Variants in SLC16A12 observed in about 807,000 individuals in gnomAD.
SLC16A12 encodes the protein solute carrier family 16 member 12, also known as monocarboxylate transporter 12.
Under a neutral mutation model 42.4 loss-of-function variants are expected in SLC16A12, and 17 were observed. The ratio of observed to expected loss-of-function variants is 0.40; its 90% CI spans 0.27 to 0.60. The LOEUF (loss-of-function observed/expected upper bound fraction) is 0.60. Ranked by LOEUF, SLC16A12 falls within the 20% of genes least tolerant of loss-of-function variation. SLC16A12 has a pLI of 0.42. For synonymous variants in SLC16A12, 224 were observed against 229.4 expected (o/e 0.98, Z 0.21); for missense variants, 544 against 623.0 (o/e 0.87, Z 1.35).
intron 2 of SLC16A12, among the ~76,000 whole-genome samples, chr10:89,514,540 C>T (rs1843215565): frequency 1.3e-5 from 2 of 152,150 alleles, no homozygotes; most frequent in Admixed American, 6.5e-5. Context: ...GCTTACATGG[C>T]CCTTCTCAGA....
At chr10:89,537,626 G>A (rs1019674662), upstream of SLC16A12, among the ~76,000 whole-genome samples, 3 of 152,198 alleles carry the variant, frequency 2.0e-5, no homozygotes, top group Admixed American at 6.5e-5. Context: ...CCTCTCAGCC[G>A]TGAAGGTCTT....
intron 2 of SLC16A12, among the ~76,000 whole-genome samples, chr10:89,498,957 A>G (rs1408270621): frequency 1.3e-5 from 2 of 152,202 alleles, no homozygotes; most frequent in Admixed American, 1.3e-4. Context: ...GGAACACCCC[A>G]TGGGGCAAAA....
At chr10:89,490,594 A>G (rs1159992311) in intron 2 of SLC16A12, among the ~76,000 whole-genome samples, 1 of 152,200 alleles carries the variant, frequency 6.6e-6, no homozygotes, top group Non-Finnish European at 1.5e-5. Flanking sequence ...GAAGAGAAGC[A>G]TAAGGCAAGG....
intron 3 of SLC16A12, among the ~76,000 whole-genome samples, chr10:89,452,050 A>C (rs565464602): frequency 6.6e-6 from 1 of 152,340 alleles, no homozygotes; most frequent in South Asian, 2.1e-4. Context: ...ACAAAGGACC[A>C]AGGATTTCTA....
At chr10:89,547,016 C>T (rs1007982600) in intron 2 of SLC16A12, among the ~76,000 whole-genome samples, 1 of 152,168 alleles carries the variant, frequency 6.6e-6, no homozygotes. Flanking sequence ...GGGAACAACA[C>T]ACACCAGAGC....
intron 2 of SLC16A12, among the ~76,000 whole-genome samples, chr10:89,494,834 T>C (rs1043626311): frequency 3.9e-5 from 6 of 152,134 alleles, no homozygotes; most frequent in Admixed American, 2.0e-4. Context: ...GATGGAAAGT[T>C]TGTAGAAGTT....
chr10:89,521,411 C>T (rs1187661378), intron 2 of SLC16A12, among the ~76,000 whole-genome samples: 1 of 152,206 alleles, frequency 6.6e-6, no homozygotes, highest in Non-Finnish European at 1.5e-5. Context: ...AAGCTTACAT[C>T]AGATCTAACT....
chr10:89,496,638 TATACA>T (rs1842925668), intron 2 of SLC16A12, among the ~76,000 whole-genome samples: 1 of 152,186 alleles, frequency 6.6e-6, no homozygotes, highest in Non-Finnish European at 1.5e-5. Context: ...TCAGGTGTAT[TATACA>T]ACTGCATATG....
intron 2 of SLC16A12, among the ~76,000 whole-genome samples, chr10:89,512,176 A>T (rs1175358545): frequency 3.3e-5 from 5 of 152,308 alleles, no homozygotes. Context: ...GTTAGTATTT[A>T]ATGGGCACAG....
chr10:89,435,486 T>G (rs1025514136), intron 7 of SLC16A12, among the ~76,000 whole-genome samples: 7 of 152,238 alleles, frequency 4.6e-5, no homozygotes, highest in Admixed American at 6.5e-5. Flanking sequence ...CCTCCTAAAC[T>G]ATTAGAATGG....
chr10:89,538,482 C>T (rs1317402176), upstream of SLC16A12, among the ~76,000 whole-genome samples: 1 of 152,162 alleles, frequency 6.6e-6, no homozygotes, highest in Non-Finnish European at 1.5e-5. Context: ...TAATGTCTAC[C>T]ATACTGGATA....
At chr10:89,553,231 C>T (rs958250441) in intron 2 of SLC16A12, among the ~76,000 whole-genome samples, 1 of 151,992 alleles carries the variant, frequency 6.6e-6, no homozygotes, top group Non-Finnish European at 1.5e-5. Flanking sequence ...GTGGTGTTAC[C>T]CTGCAGCTGT....
At chr10:89,544,699 G>A (rs985214129) in intron 2 of SLC16A12, among the ~76,000 whole-genome samples, 16 of 152,014 alleles carry the variant, frequency 1.1e-4, no homozygotes, top group South Asian at 2.1e-4. Flanking sequence ...ATTTCATTCC[G>A]TTCTCATAAT....
chr10:89,454,231 C>T (rs550934516), intron 3 of SLC16A12, among the ~76,000 whole-genome samples: 2 of 152,264 alleles, frequency 1.3e-5, no homozygotes, highest in African/African-American at 2.4e-5. Flanking sequence ...TGGTCTCCAA[C>T]TCCTGGGCAC....
chr10:89,442,278 T>G (rs530388210), intron 4 of SLC16A12, among the ~76,000 whole-genome samples: 1 of 152,318 alleles, frequency 6.6e-6, no homozygotes, highest in East Asian at 1.9e-4. Context: ...ACTTTAATGT[T>G]CTAATATTAT....
At chr10:89,477,382 T>C (rs1176749213) in intron 2 of SLC16A12, among the ~76,000 whole-genome samples, 1 of 151,952 alleles carries the variant, frequency 6.6e-6, no homozygotes, top group Non-Finnish European at 1.5e-5. Context: ...CTGACCAACA[T>C]GGAGGAACCC....
At chr10:89,450,911 A>G (rs527967403) in intron 3 of SLC16A12, among the ~76,000 whole-genome samples, 1 of 152,294 alleles carries the variant, frequency 6.6e-6, no homozygotes, top group South Asian at 2.1e-4. Flanking sequence ...AAATGTGTAT[A>G]TATGTGTGTG....
chr10:89,446,329 AG>A (rs1361290676), intron 3 of SLC16A12, among the ~76,000 whole-genome samples: 1 of 152,238 alleles, frequency 6.6e-6, no homozygotes, highest in Non-Finnish European at 1.5e-5. Context: ...GTTGAAATGA[AG>A]GAAAAAATGT....
chr10:89,446,551 C>G (rs1191093044), intron 3 of SLC16A12, among the ~76,000 whole-genome samples: 1 of 152,152 alleles, frequency 6.6e-6, no homozygotes, highest in Non-Finnish European at 1.5e-5. Flanking sequence ...CACACACAAG[C>G]AAATGCTGAG....
Sources: allele counts gnomAD v4.1 joint callset (sites outside exome capture counted in the v4.1 genomes callset), GRCh38; gene constraint gnomAD v4.1.1; transcripts MANE v1.5; gene names NCBI Gene and HGNC (gene_info 2026-07-23, HGNC 2026-07-21).